YME1L1: variants seen among roughly 807,000 people sequenced by gnomAD.
YME1L1 encodes the protein ATP-dependent zinc metalloprotease YME1L1.
A neutral mutation model predicts 90.4 loss-of-function variants in YME1L1; 39 were observed. The ratio of observed to expected loss-of-function variants is 0.43; its 90% CI spans 0.33 to 0.56. The LOEUF (loss-of-function observed/expected upper bound fraction) is 0.56, where lower values mean the gene tolerates loss of function less well. YME1L1 is among the 20% of genes least tolerant of loss of function. The pLI is 0.03. For synonymous variants in YME1L1, 284 were observed against 287.3 expected (o/e 0.99, Z 0.12); for missense variants, 617 against 868.4 (o/e 0.71, Z 3.64).
intron 4 of YME1L1, among the ~76,000 whole-genome samples, chr10:27,141,493 T>C (rs930741553): frequency 1.5e-4 from 23 of 152,154 alleles, no homozygotes; most frequent in Non-Finnish European, 1.3e-4. Context: ...ATGAGCAGAA[T>C]ACTTTAGCGA....
chr10:27,114,581 T>A lies in YME1L1; in HGVS notation c.1947A>T (p.Thr649=). 6.2e-7 allele frequency: 1 copy of A among 1,613,870 alleles called. No individual in the cohort carries two copies. The highest frequency in any genetic ancestry group is 8.5e-7 in the Non-Finnish European group (1 of 1,179,908). ...EKLGVMTYSD[T]GKLSPETQSA... ...ATTGGGTTTCTGGACTTAGTTTCCC[T>A]GTATCACTGTAGGTCATAACTCCAA... is the stretch of plus-strand genomic sequence containing the variant. The change falls in exon 18 of 19, where the codon ACA becomes ACT. Residue 649 remains threonine (T), a synonymous_variant. Transcript: ENST00000376016.
At chr10:27,137,274 T>C (rs191766291) in intron 4 of YME1L1, among the ~76,000 whole-genome samples, 25 of 152,346 alleles carry the variant, frequency 1.6e-4, no homozygotes, top group Non-Finnish European at 2.8e-4. Flanking sequence ...CCTAATTTTT[T>C]GCAATTTTCA....
chr10:27,129,413 T>C (rs2056955084), intron 8 of YME1L1: 1 of 152,208 alleles, frequency 6.6e-6, no homozygotes, highest in Non-Finnish European at 1.5e-5. Flanking sequence ...TGATTCCCAA[T>C]GCCTTATTCC....
At chr10:27,121,223 C>T (rs2056864212) in intron 12 of YME1L1, among the ~76,000 whole-genome samples, 163 bp downstream of exon 12, 1 of 152,190 alleles carries the variant, frequency 6.6e-6, no homozygotes, top group Non-Finnish European at 1.5e-5. Flanking sequence ...TCCCTAACCT[C>T]TGGTAACCGC....
intron 9 of YME1L1, among the ~76,000 whole-genome samples, chr10:27,124,735 T>C (rs2056899969): frequency 6.6e-6 from 1 of 152,198 alleles, no homozygotes; most frequent in Non-Finnish European, 1.5e-5. Context: ...AGAGTGTAAC[T>C]ATTAATACTT....
chr10:27,136,319 T>C lies in YME1L1; in HGVS notation c.497A>G (p.Glu166Gly), dbSNP rs774372085. Residue 166 changes from glutamate to glycine, a missense_variant, in exon 5 of 19, where the codon GAG becomes GGG. This residue lies in a region of YME1L1 where 311 missense variants were observed against 335.8 expected (regional missense o/e 0.93). Coordinates refer to ENST00000376016, the MANE Select transcript of YME1L1 (RefSeq NM_014263.4). ...SRTRRLQSTS[E>G]RLAETQNIAP... is the part of the protein sequence containing the mutation. ...TATATTCTGTGTTTCAGCTAATCTCTCGGAGGTAGACTGGAGACGTCGTGT... is the reference window on the plus strand; with the variant it reads ...TATATTCTGTGTTTCAGCTAATCTCCCGGAGGTAGACTGGAGACGTCGTGT... 6.2e-7 allele frequency: 1 copy of C among 1,613,978 alleles called. No individual in the cohort carries two copies. The highest frequency in any genetic ancestry group is 1.1e-5 in the South Asian group (1 of 91,074).
intron 2 of YME1L1, chr10:27,147,391 C>T: frequency 6.3e-7 from 1 of 1,580,388 alleles, no homozygotes; most frequent in Middle Eastern, 1.7e-4. Flanking sequence ...AGAGAGAAGG[C>T]TGATGGAACA....
chr10:27,121,578 G>A lies in YME1L1; in HGVS notation c.1236-130C>T, dbSNP rs557750986. Reference sequence around the variant, plus strand: ...CTCGCTTTGTGGCCTAGGCTGAAGCGCACCAGTATGATCATAGCTCACTGC... The same window carrying A: ...CTCGCTTTGTGGCCTAGGCTGAAGCACACCAGTATGATCATAGCTCACTGC... On this transcript the variant is annotated intron_variant, in intron 11 of 18. Coordinates refer to ENST00000376016, the MANE Select transcript of YME1L1 (RefSeq NM_014263.4). The A allele has an allele frequency of 2.3e-4, 146 of 643,428 alleles. No individual in the cohort carries two copies. The Middle Eastern group carries it at 2.5e-3, about 11-fold the overall frequency. The allele number at this position is 643,428 out of a possible 1,614,324, so 39.9% of individuals were successfully genotyped here.
chr10:27,131,328 T>C (rs2056975772), intron 8 of YME1L1, among the ~76,000 whole-genome samples: 1 of 151,914 alleles, frequency 6.6e-6, no homozygotes, highest in South Asian at 2.1e-4. Context: ...ATTTATTCTA[T>C]CCCAGCAGCT....
chr10:27,145,802 A>G (rs1176126668), intron 2 of YME1L1: 4 of 357,578 alleles, frequency 1.1e-5, no homozygotes, highest in Non-Finnish European at 2.0e-5. Context: ...AAAAAATTAT[A>G]TTCCTAATGG....
At chr10:27,112,158 G>A in intron 18 of YME1L1, 38 bp from the exon 19 acceptor site, 2 of 1,571,224 alleles carry the variant, frequency 1.3e-6, no homozygotes, top group Non-Finnish European at 8.6e-7. Context: ...AGCAGCAAAT[G>A]CAGGGATGCG....
rs1457579717 is a variant in YME1L1 at position 27,154,231 on chromosome 10, C to A, written c.-21G>T. 1 of 1,579,106 alleles carries A rather than the reference C, an allele frequency of 6.3e-7. No individual in the cohort carries two copies. Among genetic ancestry groups the A allele is most frequent in the East Asian group, 2.3e-5 (1 of 42,900 alleles). ...AACATCTCCGGCGGGCCCTCAGCGA[C>A]CTCACCCGCCTGCCGAAACTGTGCC... On this transcript the variant is annotated 5_prime_UTR_variant, in exon 1 of 19. Coordinates refer to ENST00000376016, the MANE Select transcript of YME1L1 (RefSeq NM_014263.4).
intron 2 of YME1L1, chr10:27,147,235 G>A: frequency 1.6e-6 from 1 of 616,646 alleles, no homozygotes; most frequent in South Asian, 2.0e-5. Flanking sequence ...GCTCGAGCCT[G>A]TAATCCCAAC....
At chr10:27,140,953 G>GT (rs1483324788) in intron 4 of YME1L1, among the ~76,000 whole-genome samples, 1 of 152,074 alleles carries the variant, frequency 6.6e-6, no homozygotes, top group Non-Finnish European at 1.5e-5. Flanking sequence ...AGCTAAAAAC[G>GT]TATCAGCTGT....
In YME1L1 at chr10:27,145,456, A is replaced by C. The variant is rs201573258; in HGVS notation, c.303T>G (p.Ser101=). 1.0e-4 allele frequency: 161 copies of C among 1,612,398 alleles called. No homozygotes were observed. Among genetic ancestry groups the C allele is most frequent in the Non-Finnish European group, 9.2e-5 (108 of 1,179,042 alleles). ...ISSHWHTSHV[S]AQSFFENKYG... is the part of the protein sequence containing the mutation. ...ATTTATTTTCAAAGAAGGATTGTGC[A>C]GAGACATGGGATGTATGCCAATGGG... is the stretch of plus-strand genomic sequence containing the variant. The change falls in exon 3 of 19, where the codon TCT becomes TCG. Residue 101 remains serine, a synonymous_variant. Coordinates refer to ENST00000376016, the MANE Select transcript of YME1L1 (RefSeq NM_014263.4).
In YME1L1 at chr10:27,145,831, T is replaced by C. The variant is rs555544334; in HGVS notation, c.169-241A>G. ...CTAATGGTATCCTTAAATAAAGAGA[T>C]GACATTTCAGCATGAATGAGAAAAA... is the stretch of plus-strand genomic sequence containing the variant. On this transcript the variant is annotated intron_variant, in intron 2 of 18. Transcript: ENST00000376016. 6 of 289,968 alleles carry C rather than the reference T, an allele frequency of 2.1e-5. No individual in the cohort carries two copies. The South Asian group carries it at 5.7e-4, about 27-fold the overall frequency. 18.0% of individuals were successfully genotyped at this position (289,968 alleles called of 1,614,324 possible).
In YME1L1 at chr10:27,122,879, T is replaced by C; in HGVS notation, c.1197A>G (p.Ser399=). Residue 399 remains serine (S), a synonymous_variant, in exon 11 of 19, where the codon TCA becomes TCG. Transcript: ENST00000376016. ...KRIESPMHPY[S]RQTINQLLAE... The stretch of plus-strand genomic sequence containing the variant: ...CAAGAAGTTGATTTATGGTCTGCCT[T>C]GAATATGGATGCATTGGAGATTCAA... The C allele has an allele frequency of 6.2e-7, 1 of 1,613,540 alleles. No individual in the cohort carries two copies. The highest frequency in any genetic ancestry group is 8.5e-7 in the Non-Finnish European group (1 of 1,179,722).
At chr10:27,148,190 T>C (rs1366516969) in intron 2 of YME1L1, among the ~76,000 whole-genome samples, 1 of 146,492 alleles carries the variant, frequency 6.8e-6, no homozygotes, top group Non-Finnish European at 1.5e-5. Context: ...AAAATGAGAT[T>C]ACATTTTTAT....
rs780697055 is a variant in YME1L1, at chr10:27,122,963, C to T, written c.1113G>A (p.Lys371=). The change falls in exon 11 of 19, where the codon AAG becomes AAA. Residue 371 remains lysine, a synonymous_variant. Transcript: ENST00000376016. Reference sequence around the variant, plus strand: ...TAAATATAACACAAGGAGCATTCGCCTTTGCTTCCCCTAAGAAAACAAAAA... The same window carrying T: ...TAAATATAACACAAGGAGCATTCGCTTTTGCTTCCCCTAAGAAAACAAAAA... The part of the protein sequence containing the change: ...SRIRNLFREA[K]ANAPCVIFID... The T allele has an allele frequency of 6.2e-7, 1 of 1,610,498 alleles. No homozygotes were observed. The highest frequency in any genetic ancestry group is 8.5e-7 in the Non-Finnish European group (1 of 1,179,056).
Sources: allele counts gnomAD v4.1 joint callset (sites outside exome capture counted in the v4.1 genomes callset), GRCh38; gene constraint gnomAD v4.1.1; regional missense constraint gnomAD v4.1.1; transcripts MANE v1.5; gene names NCBI Gene and HGNC (gene_info 2026-07-23, HGNC 2026-07-21).